Variants in PLEKHF2 observed in about 807,000 individuals in gnomAD.
The protein encoded by PLEKHF2 is pleckstrin homology domain-containing family F member 2.
PLEKHF2 carries 4 observed loss-of-function variants against 14.7 expected under a neutral mutation model. That is an observed-to-expected ratio of 0.27 (90% CI 0.13 to 0.62). The LOEUF is 0.62. Among genes scored for constraint, PLEKHF2 ranks in the 20% least tolerant of loss-of-function variants. The pLI, the probability that PLEKHF2 is intolerant of heterozygous loss-of-function variation, is 0.85. For synonymous variants in PLEKHF2, 90 were observed against 103.5 expected (o/e 0.87, Z 0.79); for missense variants, 201 against 307.7 (o/e 0.65, Z 2.60).
At chr8:95,139,289 G>T (rs1489380579) in intron 1 of PLEKHF2, among the ~76,000 whole-genome samples, 2 of 152,146 alleles carry the variant, frequency 1.3e-5, no homozygotes, top group East Asian at 3.9e-4. Flanking sequence ...AGGTCAGATT[G>T]CTCGAGTCCA....
At chr8:95,141,552 G>A (rs1810439438) in intron 1 of PLEKHF2, among the ~76,000 whole-genome samples, 1 of 151,948 alleles carries the variant, frequency 6.6e-6, no homozygotes, top group African/African-American at 2.4e-5. Flanking sequence ...TTGAGAGGGA[G>A]TCTTGCTCTG....
In PLEKHF2 at chr8:95,154,274, A is replaced by G; in HGVS notation, c.230A>G (p.Gln77Arg). Residue 77 changes from glutamine (Q) to arginine (R), a missense_variant, in exon 2 of 2, where the codon CAA (glutamine) becomes CGA (arginine). Coordinates refer to ENST00000315367, the MANE Select transcript of PLEKHF2 (RefSeq NM_024613.4). This position sits in a 1 kb window ranked among gnomAD's most constrained non-coding sequence, Gnocchi z 5.6. Reference sequence around the variant, plus strand: ...ATCCAGAAGAAAAAATATAACAAACAACATATTATTCCCCTGGAAAATGTC... The same window carrying G: ...ATCCAGAAGAAAAAATATAACAAACGACATATTATTCCCCTGGAAAATGTC... ...IVIQKKKYNK[Q>R]HIIPLENVTI... The G allele has an allele frequency of 6.2e-7, 1 of 1,613,966 alleles. No homozygotes were observed. The highest frequency in any genetic ancestry group is 8.5e-7 in the Non-Finnish European group (1 of 1,179,902).
chr8:95,151,694 A>G (rs896889856), intron 1 of PLEKHF2, among the ~76,000 whole-genome samples: 4 of 151,976 alleles, frequency 2.6e-5, no homozygotes, highest in Non-Finnish European at 4.4e-5. Flanking sequence ...TAAAATTTTT[A>G]TCTGTTGTCA....
intron 1 of PLEKHF2, among the ~76,000 whole-genome samples, chr8:95,147,117 A>G (rs1025989471): frequency 6.6e-6 from 1 of 152,110 alleles, no homozygotes; most frequent in Non-Finnish European, 1.5e-5. Flanking sequence ...TGTTAATTCT[A>G]AAGTAATTTA....
At chr8:95,135,538 C>T (rs1810366038) in intron 1 of PLEKHF2, among the ~76,000 whole-genome samples, 1 of 152,120 alleles carries the variant, frequency 6.6e-6, no homozygotes, top group African/African-American at 2.4e-5. Flanking sequence ...GTAGTTAGGA[C>T]TACAGGAGCG....
At chr8:95,147,876 G>C (rs1309726528) in intron 1 of PLEKHF2, among the ~76,000 whole-genome samples, 2 of 151,644 alleles carry the variant, frequency 1.3e-5, no homozygotes, top group Non-Finnish European at 3.0e-5. Flanking sequence ...AAAGAAAAAA[G>C]GCAAAGGAAG....
chr8:95,133,952 T>A lies in PLEKHF2; in HGVS notation c.-93T>A, dbSNP rs1420293756. 1.3e-5 allele frequency: 2 copies of A among 150,256 alleles called. No homozygotes were observed. Among genetic ancestry groups the A allele is most frequent in the South Asian group, 4.1e-4 (2 of 4,884 alleles). The allele number at this position is 150,256 out of a possible 1,614,324, so 9.3% of individuals were successfully genotyped here. On this transcript the variant is annotated 5_prime_UTR_variant, in exon 1 of 2. Coordinates refer to ENST00000315367, the MANE Select transcript of PLEKHF2 (RefSeq NM_024613.4). ...AGGCCCCGGCGGGGAACGGGCAGAG[T>A]CCGCGCCCTGCGTCCGCGACCAGGA... is the stretch of plus-strand genomic sequence containing the variant.
At chr8:95,134,628 A>G (rs1344749224) in intron 1 of PLEKHF2, among the ~76,000 whole-genome samples, 1 of 152,132 alleles carries the variant, frequency 6.6e-6, no homozygotes, top group Non-Finnish European at 1.5e-5. Flanking sequence ...TGATCCTTTG[A>G]CGAATTTATT....
In PLEKHF2 at chr8:95,153,188, T is replaced by C. The variant is rs114845516; in HGVS notation, c.-14-843T>C. On this transcript the variant is annotated intron_variant, in intron 1 of 1. Coordinates refer to ENST00000315367, the MANE Select transcript of PLEKHF2 (RefSeq NM_024613.4). ...AAGTGAAGCTAGAATATACATGGAA[T>C]ATGGATAGCTCACAGGAAGGGTTTT... Among the ~76,000 whole-genome samples the C allele has an allele frequency of 6.2e-3, 938 of 152,202 alleles. 11 individuals carry two copies. Among genetic ancestry groups the C allele is most frequent in the African/African-American group, 0.021 (893 of 41,542 alleles).
chr8:95,140,104 ATG>A (rs1810424921), intron 1 of PLEKHF2, among the ~76,000 whole-genome samples: 1 of 152,118 alleles, frequency 6.6e-6, no homozygotes, highest in African/African-American at 2.4e-5. Context: ...TGTCCCGCAG[ATG>A]TGTTTGTCTT....
In PLEKHF2 at chr8:95,154,951, G is replaced by GGGGACCTACTT; in HGVS notation, c.*157_*158insGGGACCTACTT. 1.2e-6 allele frequency: 1 copy of GGGGACCTACTT among 847,894 alleles called. No homozygotes were observed. The highest frequency in any genetic ancestry group is 1.8e-6 in the Non-Finnish European group (1 of 549,976). The allele number at this position is 847,894 out of a possible 1,614,324, so 52.5% of individuals were successfully genotyped here. On this transcript the variant is annotated 3_prime_UTR_variant, in exon 2 of 2. Transcript: ENST00000315367. The surrounding 1 kb of genome is among the most constrained non-coding windows in gnomAD (Gnocchi z 5.6). ...CCTCAATATATTCCATAGAAAGTAG[G>GGGGACCTACTT]TCCCCCTGCCTTCTCCCACTCCTCA...
At chr8:95,137,688 G>A (rs192699005) in intron 1 of PLEKHF2, among the ~76,000 whole-genome samples, 1 of 152,360 alleles carries the variant, frequency 6.6e-6, no homozygotes, top group Non-Finnish European at 1.5e-5. Context: ...GGAAAGTGAA[G>A]TGCATAGAGG....
intron 1 of PLEKHF2, among the ~76,000 whole-genome samples, chr8:95,134,820 T>C (rs1390325916): frequency 6.6e-6 from 1 of 152,172 alleles, no homozygotes; most frequent in African/African-American, 2.4e-5. Context: ...TGTTGATAAA[T>C]GCCTTCTTTG....
intron 1 of PLEKHF2, among the ~76,000 whole-genome samples, chr8:95,141,416 T>A (rs1449605196): frequency 6.6e-6 from 1 of 152,228 alleles, no homozygotes; most frequent in African/African-American, 2.4e-5. Flanking sequence ...GGCCACTCCT[T>A]CCAAAAGTTT....
Position 95,148,172 on chromosome 8 carries a change from TAA to T in PLEKHF2, c.-14-5858_-14-5857del, listed in dbSNP as rs568303814. 5.1e-3 allele frequency among the ~76,000 whole-genome samples: 767 copies of T among 151,434 alleles called. 2 individuals are homozygous for T. Among genetic ancestry groups the T allele is most frequent in the Non-Finnish European group, 7.7e-3 (520 of 67,752 alleles). On this transcript the variant is annotated intron_variant, in intron 1 of 1. Transcript: ENST00000315367. The stretch of plus-strand genomic sequence containing the variant: ...AAAGATGGAATTAAAAAATTTGTTA[TAA>T]GTTTTTATAAAGCTTTCTCTTAAAG...
chr8:95,138,737 A>G (rs953108384), intron 1 of PLEKHF2, among the ~76,000 whole-genome samples: 6 of 152,212 alleles, frequency 3.9e-5, no homozygotes, highest in Non-Finnish European at 7.4e-5. Context: ...TGCTTTAACA[A>G]TATTTCACAT....
intron 1 of PLEKHF2, among the ~76,000 whole-genome samples, chr8:95,146,759 C>T (rs913247275): frequency 1.2e-4 from 18 of 151,388 alleles, no homozygotes; most frequent in East Asian, 3.9e-4. Flanking sequence ...CTAATTTTTA[C>T]GTTTTAACTG....
chr8:95,142,406 C>T (rs962755467), intron 1 of PLEKHF2, among the ~76,000 whole-genome samples: 17 of 151,996 alleles, frequency 1.1e-4, no homozygotes, highest in South Asian at 6.2e-4. Context: ...AAGTGCACAC[C>T]GCCACACCTG....
chr8:95,146,915 CA>C (rs1156663597), intron 1 of PLEKHF2, among the ~76,000 whole-genome samples: 1 of 151,776 alleles, frequency 6.6e-6, no homozygotes, highest in Admixed American at 6.6e-5. Context: ...TTAACAGTTT[CA>C]ACTAATTAGA....
Sources: gnomAD v4.1 joint callset for allele counts (sites outside exome capture counted in the v4.1 genomes callset) on GRCh38, gnomAD v4.1.1 for gene constraint, Gnocchi (gnomAD v3.1) non-coding constraint, MANE v1.5 for transcripts, NCBI Gene and HGNC (gene_info 2026-07-23, HGNC 2026-07-21) for gene names.